SLC24A2: variants seen among roughly 807,000 people sequenced by gnomAD.
SLC24A2 encodes solute carrier family 24 member 2, also known as sodium/potassium/calcium exchanger 2.
A neutral mutation model predicts 62.0 loss-of-function variants in SLC24A2; 36 were observed. The ratio of observed to expected loss-of-function variants is 0.58; its 90% CI spans 0.44 to 0.77. SLC24A2 has a LOEUF of 0.77. Among genes scored for constraint, SLC24A2 ranks in the 30% least tolerant of loss-of-function variants. SLC24A2 has a pLI of 0.00. For missense variants in SLC24A2, 846 were observed against 817.9 expected (o/e 1.03, Z -0.42); for synonymous variants, 358 against 294.0 (o/e 1.22, Z -2.23).
At chr9:19,715,921 A>G (rs1041297411) in intron 2 of SLC24A2, among the ~76,000 whole-genome samples, 1 of 152,096 alleles carries the variant, frequency 6.6e-6, no homozygotes, top group African/African-American at 2.4e-5. Context: ...GAAGTGGGGG[A>G]GAAGAAAAGT....
chr9:19,988,402 C>T, the SLC24A2 span, among the ~76,000 whole-genome samples: 3 of 152,158 alleles, frequency 2.0e-5, no homozygotes, highest in African/African-American at 7.2e-5. Context: ...GTTCACAAGG[C>T]TTTTAATCCC....
intron 8 of SLC24A2, among the ~76,000 whole-genome samples, chr9:19,533,925 A>G (rs1032494396): frequency 6.6e-6 from 1 of 152,228 alleles, no homozygotes; most frequent in Admixed American, 6.5e-5. Flanking sequence ...ATACACCCAT[A>G]TATCTTCCAA....
intron 2 of SLC24A2, among the ~76,000 whole-genome samples, chr9:19,689,996 T>C (rs1440610092): frequency 6.6e-6 from 1 of 152,112 alleles, no homozygotes; most frequent in Non-Finnish European, 1.5e-5. Context: ...CTTGATCTTT[T>C]ACTGCCCTCA....
At chr9:20,174,012 A>G in the SLC24A2 span, among the ~76,000 whole-genome samples, 2 of 152,138 alleles carry the variant, frequency 1.3e-5, no homozygotes, top group South Asian at 2.1e-4. Flanking sequence ...ACATAGACCA[A>G]TGTAACAGAA....
chr9:20,097,738 T>TC, the SLC24A2 span, among the ~76,000 whole-genome samples: 1 of 81,576 alleles, frequency 1.2e-5, no homozygotes, highest in African/African-American at 5.7e-5. Flanking sequence ...TTTTTTTTTT[T>TC]TTTTTTTTTT....
At chr9:19,865,988 C>T in the SLC24A2 span, among the ~76,000 whole-genome samples, 2 of 152,134 alleles carry the variant, frequency 1.3e-5, no homozygotes, top group Non-Finnish European at 2.9e-5. Flanking sequence ...GGAGTGCAAA[C>T]AGCTCTATTG....
chr9:20,257,315 ACACT>A, the SLC24A2 span, among the ~76,000 whole-genome samples: 2 of 142,118 alleles, frequency 1.4e-5, no homozygotes, highest in Admixed American at 1.4e-4. Flanking sequence ...AACAAGAGAA[ACACT>A]CAATCTCTAG....
chr9:20,245,316 C>A, the SLC24A2 span, among the ~76,000 whole-genome samples: 1 of 152,154 alleles, frequency 6.6e-6, no homozygotes, highest in Non-Finnish European at 1.5e-5. Context: ...TTCCACAGAA[C>A]TGTGACTGTA....
chr9:20,128,506 A>T, the SLC24A2 span, among the ~76,000 whole-genome samples: 1 of 152,154 alleles, frequency 6.6e-6, no homozygotes, highest in Non-Finnish European at 1.5e-5. Context: ...ATTGGGCTGC[A>T]TTACTCTAAT....
intron 5 of SLC24A2, among the ~76,000 whole-genome samples, chr9:19,595,875 G>A (rs887517108): frequency 6.6e-6 from 1 of 152,106 alleles, no homozygotes; most frequent in Non-Finnish European, 1.5e-5. Flanking sequence ...AATAATAACT[G>A]GGACAGGAGC....
At chr9:19,851,619 G>T in the SLC24A2 span, among the ~76,000 whole-genome samples, 6 of 152,072 alleles carry the variant, frequency 3.9e-5, no homozygotes, top group African/African-American at 1.4e-4. Flanking sequence ...GAGGATAATG[G>T]CTTCCACCTC....
intron 2 of SLC24A2, among the ~76,000 whole-genome samples, chr9:19,770,888 C>A (rs1400594252): frequency 6.6e-6 from 1 of 152,098 alleles, no homozygotes; most frequent in Non-Finnish European, 1.5e-5. Flanking sequence ...ATTTCTGTAA[C>A]CCAACTCTTA....
chr9:19,893,962 G>A, the SLC24A2 span, among the ~76,000 whole-genome samples: 1 of 152,140 alleles, frequency 6.6e-6, no homozygotes, highest in Non-Finnish European at 1.5e-5. Context: ...CTTCTCTTAA[G>A]GACACTTCTT....
In SLC24A2 at chr9:19,706,332, C is replaced by T. The variant is rs533058931; in HGVS notation, c.930+79605G>A. ...TATATTGAGCCTATGTGTGTCTCTG[C>T]ATGTGAGATGGGTTTCCTGAACACA... On this transcript the variant is annotated intron_variant, in intron 2 of 10. Transcript: ENST00000341998. Among the ~76,000 whole-genome samples the T allele has an allele frequency of 1.5e-4, 23 of 150,858 alleles. No homozygotes were observed. In the East Asian group the frequency reaches 1.9e-3, roughly 13 times the overall value.
intron 2 of SLC24A2, among the ~76,000 whole-genome samples, chr9:19,761,647 C>T (rs1164495137): frequency 6.6e-6 from 1 of 151,830 alleles, no homozygotes; most frequent in Non-Finnish European, 1.5e-5. Flanking sequence ...CCCCATCCCA[C>T]AACAGTCCCA....
At chr9:19,881,887 C>T in the SLC24A2 span, among the ~76,000 whole-genome samples, 1 of 152,088 alleles carries the variant, frequency 6.6e-6, no homozygotes, top group Non-Finnish European at 1.5e-5. Flanking sequence ...TTGTCCCATC[C>T]CCTGCTTTCT....
chr9:20,119,256 G>A, the SLC24A2 span, among the ~76,000 whole-genome samples: 1 of 152,148 alleles, frequency 6.6e-6, no homozygotes, highest in African/African-American at 2.4e-5. Flanking sequence ...TCTAAGCCTA[G>A]GATCCAATTA....
the SLC24A2 span, among the ~76,000 whole-genome samples, chr9:20,292,552 C>T: frequency 6.6e-6 from 1 of 152,254 alleles, no homozygotes; most frequent in East Asian, 1.9e-4. Context: ...TAACAAAGTA[C>T]CACAAACTGG....
the SLC24A2 span, among the ~76,000 whole-genome samples, chr9:20,150,072 A>G: frequency 6.6e-6 from 1 of 152,008 alleles, no homozygotes; most frequent in African/African-American, 2.4e-5. Flanking sequence ...TTAAAGAGTA[A>G]AGACATGATT....
Sources: gnomAD v4.1 joint callset for allele counts (sites outside exome capture counted in the v4.1 genomes callset) on GRCh38, gnomAD v4.1.1 for gene constraint, MANE v1.5 for transcripts, NCBI Gene and HGNC (gene_info 2026-07-23, HGNC 2026-07-21) for gene names.